The following NBEAL1 variants were observed in gnomAD, a reference collection of about 807,000 sequenced individuals.
The protein encoded by NBEAL1 is neurobeachin-like protein 1.
NBEAL1 carries 273 observed loss-of-function variants against 351.3 expected under a neutral mutation model. That is an observed-to-expected ratio of 0.78 (90% CI 0.70 to 0.86). The LOEUF is 0.86. Among genes scored for constraint, NBEAL1 ranks in the 40% least tolerant of loss-of-function variants. The pLI is 0.00. For missense variants in NBEAL1, 2,961 were observed against 3,201.3 expected, an observed-to-expected ratio of 0.92 and a Z score of 1.81; for synonymous variants, 1,050 against 1,086.4, an observed-to-expected ratio of 0.97 and a Z score of 0.66.
At chr2:203,055,844 C>G (rs896119172) in intron 4 of NBEAL1, among the ~76,000 whole-genome samples, 17 of 152,136 alleles carry the variant, frequency 1.1e-4, no homozygotes, top group African/African-American at 3.9e-4. Context: ...ACACTAAGCA[C>G]TTATGAACCC....
chr2:203,079,390 C>A (rs2061833759), intron 8 of NBEAL1, among the ~76,000 whole-genome samples: 1 of 152,136 alleles, frequency 6.6e-6, no homozygotes, highest in Non-Finnish European at 1.5e-5. Context: ...CCAACAAAAT[C>A]ACAAGTATTA....
In NBEAL1 at chr2:203,220,261, G is replaced by A. The variant is rs375662710; in HGVS notation, c.*2907G>A. 2.8e-4 allele frequency among the ~76,000 whole-genome samples: 43 copies of A among 152,138 alleles called. No homozygotes were observed. The highest frequency in any genetic ancestry group is 3.4e-3 in the Middle Eastern group (1 of 294). ...AGCTCTTTGGGAGGCCGAGGTGGGC[G>A]GATCACAAGGTCAGGAGTTCAAGAC... On this transcript the variant is annotated 3_prime_UTR_variant, in exon 56 of 56. Coordinates refer to ENST00000683969, the MANE Select transcript of NBEAL1 (RefSeq NM_001378026.1).
intron 52 of NBEAL1, 25 bp from the exon 53 acceptor site, chr2:203,209,136 A>G (rs755586374): frequency 1.3e-5 from 21 of 1,560,846 alleles, no homozygotes; most frequent in Middle Eastern, 1.7e-4. Context: ...TGTCTTTTTC[A>G]TTTTCTGATA....
At position 203,037,493 on chromosome 2, in the gene NBEAL1, T is replaced by G. The variant is rs934758543; in HGVS notation, c.52-4272T>G. The stretch of plus-strand genomic sequence containing the variant: ...TCACAAAGCATTAAAATGCACAGAT[T>G]TTAAGTGTCAAATGTGATGAATTTT... On this transcript the variant is annotated intron_variant, in intron 2 of 55. Transcript: ENST00000683969. 2.0e-5 allele frequency among the ~76,000 whole-genome samples: 3 copies of G among 149,104 alleles called. 1 individual carries two copies. Among genetic ancestry groups the G allele is most frequent in the Non-Finnish European group, 4.5e-5 (3 of 66,498 alleles).
chr2:203,207,321 C>T (rs1247690660), intron 51 of NBEAL1, among the ~76,000 whole-genome samples: 16 of 151,944 alleles, frequency 1.1e-4, no homozygotes, highest in Non-Finnish European at 2.1e-4. Context: ...CCAGCCGCCC[C>T]CTCCGGGAGG....
chr2:203,200,608 C>T (rs895018525), intron 49 of NBEAL1, among the ~76,000 whole-genome samples: 1 of 151,412 alleles, frequency 6.6e-6, no homozygotes, highest in Non-Finnish European at 1.5e-5. Flanking sequence ...GCAGGAGAAT[C>T]GCTTGAACCC....
intron 55 of NBEAL1, among the ~76,000 whole-genome samples, chr2:203,215,352 A>T (rs12015195): frequency 0.02 from 3,056 of 152,188 alleles, 101 homozygotes; most frequent in African/African-American, 0.069. Context: ...TACAAAAAAA[A>T]ATTAGCTGGG....
At chr2:203,098,063 C>T (rs149626605) in intron 11 of NBEAL1, among the ~76,000 whole-genome samples, 2 of 152,110 alleles carry the variant, frequency 1.3e-5, no homozygotes, top group African/African-American at 2.4e-5. Flanking sequence ...CAATGGACAA[C>T]CTGAATCTTG....
At chr2:203,138,473 C>G in intron 30 of NBEAL1, 147 bp from the exon 31 acceptor site, 1 of 1,012,820 alleles carries the variant, frequency 9.9e-7, no homozygotes, top group South Asian at 1.8e-5. Flanking sequence ...TTAGCTATTA[C>G]TAGGATGATT....
At chr2:203,034,568 C>T (rs2061011419) in intron 2 of NBEAL1, among the ~76,000 whole-genome samples, 1 of 147,146 alleles carries the variant, frequency 6.8e-6, no homozygotes, top group Non-Finnish European at 1.5e-5. Context: ...AAGCAACTCT[C>T]CTGCCTCAGC....
At chr2:203,073,352 A>G (rs2061712883) in intron 7 of NBEAL1, among the ~76,000 whole-genome samples, 1 of 152,220 alleles carries the variant, frequency 6.6e-6, no homozygotes, top group East Asian at 1.9e-4. Context: ...TTATTGGCAT[A>G]AAGTTGTTCA....
At position 203,126,599 on chromosome 2, in the gene NBEAL1, C is replaced by A; in HGVS notation, c.3028C>A (p.Gln1010Lys). Reference sequence around the variant, plus strand: ...GGATGTTAATGTGTTGATGGCAGTTCAGTTACTAATTGAACAAGTATCATT... The same window carrying A: ...GGATGTTAATGTGTTGATGGCAGTTAAGTTACTAATTGAACAAGTATCATT... ...LMDVNVLMAV[Q>K]LLIEQVSLEK... is the part of the protein sequence containing the mutation. The change falls in exon 22 of 56, where the codon CAG becomes AAG. Residue 1010 changes from glutamine to lysine, a missense_variant. By Grantham distance (53) the Gln-to-Lys change is moderately conservative (BLOSUM62 1). Transcript: ENST00000683969. The A allele has an allele frequency of 6.6e-7, 1 of 1,514,856 alleles. No homozygotes were observed. Among genetic ancestry groups the A allele is most frequent in the South Asian group, 1.3e-5 (1 of 76,578 alleles). 93.8% of individuals were successfully genotyped at this position (1,514,856 alleles called of 1,614,324 possible).
Position 203,208,642 on chromosome 2 carries a change from T to G in NBEAL1, c.7512T>G (p.Gly2504=). The G allele has an allele frequency of 6.2e-7, 1 of 1,604,954 alleles. No homozygotes were observed. The highest frequency in any genetic ancestry group is 8.5e-7 in the Non-Finnish European group (1 of 1,176,342). ...CMIWQITQQG[G]VPVGLASKPF... ...CTTTTCTCTTGTATTATTAGGGAGG[T>G]GTTCCTGTGGGCTTAGCATCTAAAC... The change falls in exon 52 of 56, where the codon GGT becomes GGG. Residue 2504 remains glycine, a synonymous_variant. Coordinates refer to ENST00000683969, the MANE Select transcript of NBEAL1 (RefSeq NM_001378026.1).
chr2:203,199,837 ACCTTC>A (rs920295236), intron 49 of NBEAL1, among the ~76,000 whole-genome samples: 5 of 151,748 alleles, frequency 3.3e-5, no homozygotes, highest in Non-Finnish European at 7.4e-5. Flanking sequence ...TCCCTCCCCA[ACCTTC>A]CCTTATTTTT....
chr2:203,135,941 T>C lies in NBEAL1; in HGVS notation c.4078T>C (p.Leu1360=), dbSNP rs1377961780. 6.2e-6 allele frequency: 10 copies of C among 1,614,142 alleles called. No homozygotes were observed. Among genetic ancestry groups the C allele is most frequent in the Admixed American group, 1.7e-5 (1 of 60,026 alleles). Residue 1360 remains leucine, a synonymous_variant, in exon 28 of 56, where the codon TTG becomes CTG. Coordinates refer to ENST00000683969, the MANE Select transcript of NBEAL1 (RefSeq NM_001378026.1). ...SANVSSDQWS[L]EDRHSLDSNT... ...TAATGTGTCTTCGGATCAGTGGAGT[T>C]TGGAGGATAGACACTCTTTAGACTC...
chr2:203,184,074 T>TAAAAAAAAAAAAA (rs1170251389), intron 44 of NBEAL1, among the ~76,000 whole-genome samples: 1 of 88,010 alleles, frequency 1.1e-5, no homozygotes, highest in Non-Finnish European at 2.1e-5. Flanking sequence ...CGAGACTGTC[T>TAAAAAAAAAAAAA]AAAAAAAAAA....
chr2:203,107,651 G>A lies in NBEAL1; in HGVS notation c.1412G>A (p.Ser471Asn). Reference protein sequence around the residue: ...DHTSVGILGISNVQPLLLLIQ... With the variant: ...DHTSVGILGINNVQPLLLLIQ... ...ACTTCAGTTGGGATTTTGGGCATTA[G>A]TAATGTCCAACCTCTCTTGCTTCTT... The change falls in exon 14 of 56, where the codon AGT (serine) becomes AAT (asparagine). Residue 471 changes from serine (S) to asparagine (N), a missense_variant. Ser to Asn is a conservative substitution (Grantham distance 46). Transcript: ENST00000683969. 6.4e-7 allele frequency: 1 copy of A among 1,552,546 alleles called. No homozygotes were observed. Among genetic ancestry groups the A allele is most frequent in the Non-Finnish European group, 8.7e-7 (1 of 1,147,170 alleles).
chr2:203,122,222 G>C, intron 18 of NBEAL1, 32 bp from the exon 19 acceptor site: 1 of 1,217,732 alleles, frequency 8.2e-7, no homozygotes, highest in Non-Finnish European at 1.2e-6. Flanking sequence ...TGTTCTAATT[G>C]GTTGTTTGCC....
At chr2:203,151,951 TTTTTCTTTTC>T (rs913402231) in intron 35 of NBEAL1, among the ~76,000 whole-genome samples, 16 of 151,976 alleles carry the variant, frequency 1.1e-4, no homozygotes, top group East Asian at 1.9e-4. Flanking sequence ...GCAATCCTTT[TTTTTCTTTTC>T]TTTTCTTTTT....
Sources: gnomAD v4.1 joint callset for allele counts (sites outside exome capture counted in the v4.1 genomes callset) on GRCh38, gnomAD v4.1.1 for gene constraint, MANE v1.5 for transcripts, NCBI Gene and HGNC (gene_info 2026-07-23, HGNC 2026-07-21) for gene names.